XKR4: variants seen among roughly 807,000 people sequenced by gnomAD.
The protein encoded by XKR4 is XK-related protein 4.
A neutral mutation model predicts 53.9 loss-of-function variants in XKR4; 12 were observed. The observed-to-expected ratio is 0.22, with a 90% CI of 0.14 to 0.36. XKR4 has a LOEUF of 0.36. Ranked by LOEUF, XKR4 falls within the 10% of genes least tolerant of loss-of-function variation. The probability of loss-of-function intolerance (pLI) is 1.00; values close to 1 mark genes in which losing one functional copy is unlikely to be tolerated. For synonymous variants in XKR4, 354 were observed against 362.4 expected, an observed-to-expected ratio of 0.98 and a Z score of 0.26; for missense variants, 799 against 859.5, an observed-to-expected ratio of 0.93 and a Z score of 0.88.
chr8:55,475,944 G>T (rs1805977806), intron 2 of XKR4, among the ~76,000 whole-genome samples: 1 of 151,830 alleles, frequency 6.6e-6, no homozygotes, highest in African/African-American at 2.4e-5. Context: ...ACAGGGTTTT[G>T]CCAATTGCTT....
At chr8:55,357,192 AT>A (rs1803808646) in intron 1 of XKR4, among the ~76,000 whole-genome samples, 1 of 152,086 alleles carries the variant, frequency 6.6e-6, no homozygotes, top group Admixed American at 6.5e-5. Flanking sequence ...GCATTACTTT[AT>A]TTTTTTCTCC....
At chr8:55,477,194 C>A (rs2939663) in intron 2 of XKR4, among the ~76,000 whole-genome samples, 62,426 of 151,844 alleles carry the variant, frequency 0.41, 13,472 homozygotes, top group East Asian at 0.53. Context: ...TGAGACAAAA[C>A]TTCCAGAGGA....
chr8:55,454,410 G>A (rs527302246), intron 2 of XKR4: 1 of 1,315,936 alleles, frequency 7.6e-7, no homozygotes, highest in Admixed American at 1.9e-5. Context: ...AATGCCAGGA[G>A]GCTCCTGCAG....
At chr8:55,128,494 A>G (rs1816506696) in intron 1 of XKR4, among the ~76,000 whole-genome samples, 1 of 152,218 alleles carries the variant, frequency 6.6e-6, no homozygotes, top group Non-Finnish European at 1.5e-5. Context: ...CTGGATGAAG[A>G]CACAGGGATG....
chr8:55,122,839 T>C (rs1324452431), intron 1 of XKR4, among the ~76,000 whole-genome samples: 1 of 152,154 alleles, frequency 6.6e-6, no homozygotes, highest in Non-Finnish European at 1.5e-5. Context: ...ATTAAACCTG[T>C]AGTCACCTGA....
intron 2 of XKR4, among the ~76,000 whole-genome samples, chr8:55,425,342 G>A (rs564991667): frequency 2.6e-5 from 4 of 152,272 alleles, no homozygotes; most frequent in East Asian, 1.9e-4. Context: ...GCCCCTCACC[G>A]TTTGGGAATT....
intron 2 of XKR4, among the ~76,000 whole-genome samples, chr8:55,362,516 T>C (rs1364788381): frequency 6.6e-6 from 1 of 152,002 alleles, no homozygotes; most frequent in Non-Finnish European, 1.5e-5. Context: ...AAGCCTGAAA[T>C]GGTGGAGGAC....
chr8:55,112,078 G>A (rs574277815), intron 1 of XKR4, among the ~76,000 whole-genome samples: 1 of 152,224 alleles, frequency 6.6e-6, no homozygotes, highest in East Asian at 1.9e-4. Context: ...GAAGCTGAAC[G>A]ATTTTTAACC....
chr8:55,387,379 T>G (rs1023136090), intron 2 of XKR4, among the ~76,000 whole-genome samples: 1 of 152,236 alleles, frequency 6.6e-6, no homozygotes, highest in African/African-American at 2.4e-5. Context: ...GACAGTGCCC[T>G]TAGGCATGAA....
In XKR4 at chr8:55,187,325, A is replaced by AG. The variant is rs397968533; in HGVS notation, c.806+84032dup. ...AGGACCAAAAAAAAAAAAAAAAAAAAGAAGAAGAATACCTGCTATTGATAG... is the reference window on the plus strand; with the variant it reads ...AGGACCAAAAAAAAAAAAAAAAAAAAGGAAGAAGAATACCTGCTATTGATAG... On this transcript the variant is annotated intron_variant, in intron 1 of 2. Coordinates refer to ENST00000327381, the MANE Select transcript of XKR4 (RefSeq NM_052898.2). Among the ~76,000 whole-genome samples the AG allele has an allele frequency of 8.3e-5, 12 of 144,116 alleles. 1 individual carries two copies. The East Asian group carries it at 2.0e-3, about 24-fold the overall frequency. The allele number at this position is 144,116 out of a possible 152,430, so 94.5% of individuals were successfully genotyped here.
At chr8:55,357,612 C>T in intron 1 of XKR4, 66 bp from the exon 2 acceptor site, 3 of 1,565,732 alleles carry the variant, frequency 1.9e-6, no homozygotes, top group Non-Finnish European at 2.6e-6. Context: ...AAAAGAACAA[C>T]CCTGGAGTTT....
At chr8:55,136,831 C>T (rs1346321798) in intron 1 of XKR4, among the ~76,000 whole-genome samples, 1 of 152,166 alleles carries the variant, frequency 6.6e-6, no homozygotes, top group Non-Finnish European at 1.5e-5. Flanking sequence ...TTCCAAAAAA[C>T]ACTCTTGGGC....
chr8:55,227,373 A>T (rs570620287), intron 1 of XKR4, among the ~76,000 whole-genome samples: 8 of 152,260 alleles, frequency 5.3e-5, no homozygotes, highest in Non-Finnish European at 1.0e-4. Flanking sequence ...GGACCAAGGC[A>T]GGCCCAAGAC....
intron 1 of XKR4, among the ~76,000 whole-genome samples, chr8:55,237,091 G>A (rs1818136699): frequency 6.6e-6 from 1 of 152,194 alleles, no homozygotes; most frequent in South Asian, 2.1e-4. Flanking sequence ...TAAGGCAGAG[G>A]TAGTTTTAGT....
chr8:55,109,382 C>T (rs952133406), intron 1 of XKR4, among the ~76,000 whole-genome samples: 2 of 152,140 alleles, frequency 1.3e-5, no homozygotes, highest in African/African-American at 2.4e-5. Flanking sequence ...AATGAATTTT[C>T]GTGCAACACT....
intron 2 of XKR4, among the ~76,000 whole-genome samples, chr8:55,447,055 G>GA (rs5891573): frequency 0.064 from 8,473 of 132,280 alleles, 332 homozygotes; most frequent in Middle Eastern, 0.12. Flanking sequence ...ACCTGATTGG[G>GA]AAAAAAAAAA....
rs1803838159 is a variant in XKR4, at chr8:55,357,555, C to T, written c.807-123C>T. 9 of 953,580 alleles carry T rather than the reference C, an allele frequency of 9.4e-6. 1 individual carries two copies. The highest frequency in any genetic ancestry group is 3.2e-4 in the Middle Eastern group (1 of 3,138). 59.1% of individuals were successfully genotyped at this position (953,580 alleles called of 1,614,324 possible). A position where few individuals can be genotyped will look rare whatever the true frequency, so the allele number is the denominator to read the frequency against. On this transcript the variant is annotated intron_variant, in intron 1 of 2. Coordinates refer to ENST00000327381, the MANE Select transcript of XKR4 (RefSeq NM_052898.2). Reference sequence around the variant, plus strand: ...AACTTTGGACTTTAACTCATAAGCCCCCGAGGTAATTGTTTCTTGTGCTTG... The same window carrying T: ...AACTTTGGACTTTAACTCATAAGCCTCCGAGGTAATTGTTTCTTGTGCTTG...
intron 1 of XKR4, among the ~76,000 whole-genome samples, chr8:55,241,339 G>A (rs1461717920): frequency 1.3e-5 from 2 of 152,080 alleles, no homozygotes; most frequent in South Asian, 2.1e-4. Context: ...TGTGGTCCTG[G>A]CATTGCAGCT....
chr8:55,436,430 A>G (rs1805178160), intron 2 of XKR4, among the ~76,000 whole-genome samples: 1 of 152,204 alleles, frequency 6.6e-6, no homozygotes, highest in South Asian at 2.1e-4. Flanking sequence ...AGATGCCTAT[A>G]TTTACCTCAA....
Sources: allele counts gnomAD v4.1 joint callset (sites outside exome capture counted in the v4.1 genomes callset), GRCh38; gene constraint gnomAD v4.1.1; transcripts MANE v1.5; gene names NCBI Gene and HGNC (gene_info 2026-07-23, HGNC 2026-07-21).